The following CELF4 variants were observed in gnomAD, a reference collection of about 807,000 sequenced individuals.
CELF4 encodes CUG-BP- and ETR-3-like factor 4.
A neutral mutation model predicts 59.9 loss-of-function variants in CELF4; 18 were observed. The observed-to-expected ratio is 0.30, with a 90% CI of 0.21 to 0.45. CELF4 has a LOEUF of 0.45. Ranked by LOEUF, CELF4 falls within the 20% of genes least tolerant of loss-of-function variation. The probability of loss-of-function intolerance (pLI) is 1.00; values close to 1 mark genes in which losing one functional copy is unlikely to be tolerated. For synonymous variants in CELF4, 261 were observed against 267.1 expected, an observed-to-expected ratio of 0.98 and a Z score of 0.22; for missense variants, 456 against 689.0, an observed-to-expected ratio of 0.66 and a Z score of 3.79.
intron 2 of CELF4, among the ~76,000 whole-genome samples, chr18:37,438,342 G>A (rs1407226993): frequency 6.6e-6 from 1 of 152,164 alleles, no homozygotes; most frequent in Non-Finnish European, 1.5e-5. Context: ...TATCCATGGT[G>A]GGGCAAGGGG....
chr18:37,390,218 C>A (rs1446105975), intron 2 of CELF4, among the ~76,000 whole-genome samples: 1 of 152,176 alleles, frequency 6.6e-6, no homozygotes, highest in East Asian at 1.9e-4. Flanking sequence ...TATGGAGGCG[C>A]CTGAAGGAGT....
intron 2 of CELF4, among the ~76,000 whole-genome samples, chr18:37,448,295 G>A (rs1603641426): frequency 6.6e-6 from 1 of 152,192 alleles, no homozygotes; most frequent in South Asian, 2.1e-4. Flanking sequence ...TGAGGAGGAC[G>A]GGGCCAGGGC....
At chr18:37,275,701 C>G (rs574815892) in intron 3 of CELF4, 1 of 175,108 alleles carries the variant, frequency 5.7e-6, no homozygotes, top group East Asian at 1.7e-4. Flanking sequence ...AGATGCTGTT[C>G]CCCTGCCTGG....
At chr18:37,294,732 C>T (rs2095542662) in intron 3 of CELF4, among the ~76,000 whole-genome samples, 1 of 152,230 alleles carries the variant, frequency 6.6e-6, no homozygotes, top group Non-Finnish European at 1.5e-5. Context: ...GCAGCTCTGT[C>T]AGTGGAATAC....
At chr18:37,448,916 C>T (rs2099755693) in intron 2 of CELF4, among the ~76,000 whole-genome samples, 2 of 152,224 alleles carry the variant, frequency 1.3e-5, no homozygotes, top group Admixed American at 1.3e-4. Flanking sequence ...TGGCCAGGCG[C>T]AGACACAGAG....
At chr18:37,384,866 C>T (rs557218464) in intron 2 of CELF4, among the ~76,000 whole-genome samples, 1 of 152,316 alleles carries the variant, frequency 6.6e-6, no homozygotes, top group Non-Finnish European at 1.5e-5. Context: ...GTGGCCAGTC[C>T]TGCCTGTCCC....
intron 3 of CELF4, among the ~76,000 whole-genome samples, chr18:37,311,377 A>G (rs965777550): frequency 6.6e-6 from 1 of 152,170 alleles, no homozygotes; most frequent in East Asian, 1.9e-4. Context: ...ACGAAGACCA[A>G]TTCTTCACGC....
chr18:37,558,401 T>C (rs1427353010), intron 1 of CELF4, among the ~76,000 whole-genome samples: 28 of 127,504 alleles, frequency 2.2e-4, no homozygotes, highest in Admixed American at 1.1e-3. Flanking sequence ...TTTTTTTTTT[T>C]CCCTGTCCTG....
intron 2 of CELF4, among the ~76,000 whole-genome samples, chr18:37,401,115 C>T (rs759566272): frequency 2.6e-4 from 40 of 152,310 alleles, no homozygotes; most frequent in Non-Finnish European, 5.1e-4. Context: ...TAGATGGGGG[C>T]CTGGACTGGC....
chr18:37,354,237 C>T (rs1271640089), intron 2 of CELF4, among the ~76,000 whole-genome samples: 1 of 152,152 alleles, frequency 6.6e-6, no homozygotes, highest in East Asian at 1.9e-4. Context: ...ACCGTTATCC[C>T]CATTTTACAG....
intron 2 of CELF4, among the ~76,000 whole-genome samples, chr18:37,450,762 C>A (rs1236368119): frequency 6.6e-6 from 1 of 152,164 alleles, no homozygotes; most frequent in Non-Finnish European, 1.5e-5. Flanking sequence ...CATCTCTTTG[C>A]CTGCAGGGCC....
chr18:37,354,189 G>A (rs778561115), intron 2 of CELF4, among the ~76,000 whole-genome samples: 2 of 152,158 alleles, frequency 1.3e-5, no homozygotes, highest in African/African-American at 2.4e-5. Context: ...GAGTGTGCCA[G>A]GAGCTCACTT....
intron 1 of CELF4, among the ~76,000 whole-genome samples, chr18:37,495,542 C>A (rs1461449393): frequency 6.6e-6 from 1 of 152,178 alleles, no homozygotes; most frequent in Admixed American, 6.5e-5. Flanking sequence ...ATCTGAGGCT[C>A]CAGTGGCTAG....
At chr18:37,374,936 C>G (rs1487988823) in intron 2 of CELF4, among the ~76,000 whole-genome samples, 1 of 152,190 alleles carries the variant, frequency 6.6e-6, no homozygotes, top group Non-Finnish European at 1.5e-5. Context: ...TGAGCAGGCA[C>G]TCTTGCAGTT....
chr18:37,446,848 A>T (rs1051026975), intron 2 of CELF4, among the ~76,000 whole-genome samples: 2 of 152,106 alleles, frequency 1.3e-5, no homozygotes, highest in African/African-American at 2.4e-5. Context: ...TCAGTACCAC[A>T]TTACTGGTCA....
intron 3 of CELF4, among the ~76,000 whole-genome samples, chr18:37,316,356 G>A (rs1000112029): frequency 1.3e-5 from 2 of 152,140 alleles, no homozygotes; most frequent in East Asian, 1.9e-4. Flanking sequence ...GCTCCAGTGT[G>A]CTTTTGGGGA....
rs912195801 is a variant in CELF4 at position 37,408,850 on chromosome 18, T to C, written c.369+76675A>G. On this transcript the variant is annotated intron_variant, in intron 2 of 12. Transcript: ENST00000420428. ...CTGCTCCGTGGTGTGTGGGGGTGTT[T>C]GTCTCCCTCTCCACCTGCCCACCTC... 2.0e-5 allele frequency among the ~76,000 whole-genome samples: 3 copies of C among 152,184 alleles called. No homozygotes were observed. In the East Asian group the frequency reaches 5.8e-4, roughly 29 times the overall value.
At chr18:37,480,219 G>C (rs928790956) in intron 2 of CELF4, among the ~76,000 whole-genome samples, 5 of 151,696 alleles carry the variant, frequency 3.3e-5, no homozygotes, top group African/African-American at 9.7e-5. Flanking sequence ...TGGCTGAGAT[G>C]ATCTCTGCAG....
chr18:37,306,333 T>C (rs1188220688), intron 3 of CELF4: 1 of 152,342 alleles, frequency 6.6e-6, no homozygotes, highest in East Asian at 1.9e-4. Flanking sequence ...ACTCCCCTCC[T>C]GGCGTGTCTA....
Sources: allele counts gnomAD v4.1 joint callset (sites outside exome capture counted in the v4.1 genomes callset), GRCh38; gene constraint gnomAD v4.1.1; transcripts MANE v1.5; gene names NCBI Gene and HGNC (gene_info 2026-07-23, HGNC 2026-07-21).